The following HYCC2 variants were observed in gnomAD, a reference collection of about 807,000 sequenced individuals.
HYCC2 encodes the protein hyccin PI4KA lipid kinase complex subunit 2.
the HYCC2 span, chr2:201,017,153 GCAGA>G: frequency 6.2e-7 from 1 of 1,613,076 alleles, no homozygotes; most frequent in Non-Finnish European, 8.5e-7. Flanking sequence ...ACAGCTGATG[GCAGA>G]CAGGCTCCAG....
At chr2:201,011,321 A>G in the HYCC2 span, 1 of 881,638 alleles carries the variant, frequency 1.1e-6, no homozygotes. Flanking sequence ...TTTATCTCTG[A>G]TAAGAAACTG....
chr2:201,042,070 C>T, the HYCC2 span, among the ~76,000 whole-genome samples: 12 of 152,284 alleles, frequency 7.9e-5, no homozygotes, highest in East Asian at 2.1e-3. Context: ...GATTCTCCTG[C>T]CTCAGACTGC....
chr2:200,975,132 GGAA>G, the HYCC2 span: 1 of 151,938 alleles, frequency 6.6e-6, no homozygotes, highest in East Asian at 1.9e-4. Flanking sequence ...TACTTTTGCT[GGAA>G]GTGTAAAATA....
At chr2:201,053,156 CTT>C in the HYCC2 span, among the ~76,000 whole-genome samples, 1 of 151,560 alleles carries the variant, frequency 6.6e-6, no homozygotes, top group Non-Finnish European at 1.5e-5. Flanking sequence ...GAATTTCGCT[CTT>C]GTCAACCAGG....
chr2:201,070,478 C>T, the HYCC2 span, among the ~76,000 whole-genome samples: 1 of 152,028 alleles, frequency 6.6e-6, no homozygotes, highest in African/African-American at 2.4e-5. Context: ...CATGGAGAAA[C>T]CCCGTATCTA....
chr2:201,037,050 T>C, the HYCC2 span, among the ~76,000 whole-genome samples: 1 of 152,196 alleles, frequency 6.6e-6, no homozygotes, highest in African/African-American at 2.4e-5. Flanking sequence ...CAGCAAAGTC[T>C]CAGGATACAA....
chr2:201,066,334 G>A, the HYCC2 span, among the ~76,000 whole-genome samples: 1,865 of 152,130 alleles, frequency 0.012, 20 homozygotes, highest in Middle Eastern at 0.024. Flanking sequence ...TCGGCCTCCC[G>A]AGATGCTGGG....
chr2:201,005,406 C>T, the HYCC2 span, among the ~76,000 whole-genome samples: 1 of 152,122 alleles, frequency 6.6e-6, no homozygotes. Flanking sequence ...TCCACATCAC[C>T]TCAACATTTT....
the HYCC2 span, among the ~76,000 whole-genome samples, chr2:201,062,214 T>C: frequency 2.0e-5 from 3 of 152,070 alleles, no homozygotes; most frequent in East Asian, 5.8e-4. Context: ...TGGGAGGAAA[T>C]TACTATATTA....
the HYCC2 span, among the ~76,000 whole-genome samples, chr2:201,035,490 G>C: frequency 6.6e-6 from 1 of 152,202 alleles, no homozygotes; most frequent in East Asian, 1.9e-4. Context: ...GGTTATTCTA[G>C]TTAGCCATTC....
chr2:201,007,129 C>T, the HYCC2 span, among the ~76,000 whole-genome samples: 984 of 152,220 alleles, frequency 6.5e-3, 17 homozygotes, highest in African/African-American at 0.022. Flanking sequence ...TGTAGATGCC[C>T]AGATAAACAT....
At chr2:201,057,081 T>C in the HYCC2 span, among the ~76,000 whole-genome samples, 1 of 152,354 alleles carries the variant, frequency 6.6e-6, no homozygotes, top group South Asian at 2.1e-4. Flanking sequence ...GCTCTTCTTT[T>C]GAGAAATAGC....
chr2:201,062,959 T>C, the HYCC2 span: 1 of 1,122,936 alleles, frequency 8.9e-7, no homozygotes, highest in East Asian at 2.3e-5. Context: ...CTACTGCTGC[T>C]GCTGCTGCTA....
the HYCC2 span, chr2:200,992,424 C>A: frequency 8.5e-7 from 1 of 1,180,804 alleles, no homozygotes; most frequent in Non-Finnish European, 1.3e-6. Flanking sequence ...TTCAGCACAA[C>A]TTTTTAAATT....
At chr2:201,049,346 C>A in the HYCC2 span, among the ~76,000 whole-genome samples, 3 of 151,822 alleles carry the variant, frequency 2.0e-5, no homozygotes, top group East Asian at 5.8e-4. Context: ...GAATTCTTTT[C>A]TTTTTTCTTT....
chr2:201,020,067 G>C, the HYCC2 span, among the ~76,000 whole-genome samples: 2 of 152,114 alleles, frequency 1.3e-5, no homozygotes, highest in African/African-American at 2.4e-5. Flanking sequence ...ATGGGAGAGA[G>C]AGTGAGACCC....
chr2:201,008,756 G>GT, the HYCC2 span, among the ~76,000 whole-genome samples: 1 of 152,094 alleles, frequency 6.6e-6, no homozygotes, highest in Non-Finnish European at 1.5e-5. Context: ...AAATTGGCCA[G>GT]GCATGGTGGT....
At chr2:201,018,367 T>A in the HYCC2 span, among the ~76,000 whole-genome samples, 5 of 152,062 alleles carry the variant, frequency 3.3e-5, no homozygotes, top group African/African-American at 1.2e-4. Context: ...AAAAAAAGAA[T>A]AATAGTTCAG....
chr2:201,000,057 C>CAAAAAA, the HYCC2 span, among the ~76,000 whole-genome samples: 70 of 34,354 alleles, frequency 2.0e-3, no homozygotes, highest in Non-Finnish European at 2.7e-3. Flanking sequence ...GACTCCGTCT[C>CAAAAAA]AAAAAAAAAA....
Sources: allele counts gnomAD v4.1 joint callset (sites outside exome capture counted in the v4.1 genomes callset), GRCh38; gene constraint gnomAD v4.1.1; transcripts MANE v1.5; gene names NCBI Gene and HGNC (gene_info 2026-07-23, HGNC 2026-07-21).